Variants in DMD observed in about 807,000 individuals in gnomAD.
DMD encodes the protein mutant dystrophin.
In DMD, 63 loss-of-function variants were observed where a neutral mutation model predicts 330.1. The observed-to-expected ratio is 0.19, with a 90% confidence interval of 0.16 to 0.24. The LOEUF is 0.24. DMD is among the 10% of genes least tolerant of loss of function. The pLI is 1.00. For missense variants in DMD, 3,344 were observed against 2,684.1 expected, an observed-to-expected ratio of 1.25 and a Z score of -5.43; for synonymous variants, 1,223 against 959.8, an observed-to-expected ratio of 1.27 and a Z score of -5.07.
intron 1 of DMD, among the ~76,000 whole-genome samples, chrX:33,198,204 T>C (rs754559275): frequency 9.0e-6 from 1 of 111,629 alleles, no homozygotes; most frequent in South Asian, 3.7e-4. Context: ...TTTATGCATT[T>C]CTTTACCATC....
rs181809079 is a variant in DMD, at chrX:32,659,263, A to G, written c.961-14111T>C. On this transcript the variant is annotated intron_variant, in intron 9 of 78. Coordinates refer to ENST00000357033, the MANE Select transcript of DMD (RefSeq NM_004006.3). ...TGGTTTATCCCGTTACCTTTCACAT[A>G]TATCACTAAATTCTGTGTGCTTTCT... Among the ~76,000 whole-genome samples, 13 of 111,877 alleles carry G rather than the reference A, an allele frequency of 1.2e-4. No individual in the cohort carries two copies. In the South Asian group the frequency reaches 4.4e-3, roughly 38 times the overall value.
At chrX:32,170,302 T>C (rs1256313864) in intron 44 of DMD, among the ~76,000 whole-genome samples, 1 of 108,801 alleles carries the variant, frequency 9.2e-6, no homozygotes, top group Non-Finnish European at 1.9e-5. Flanking sequence ...GAAACCCCGT[T>C]TCTACCAAAA....
intron 44 of DMD, among the ~76,000 whole-genome samples, chrX:32,213,470 GTGTGTGTGCACGCTCA>G (rs756125248): frequency 6.9e-4 from 77 of 112,064 alleles, no homozygotes; most frequent in Admixed American, 2.4e-3. Context: ...ATGTATTCAT[GTGTGTGTGCACGCTCA>G]TGTGTGTGCA....
chrX:31,947,355 C>T (rs1475460043), intron 45 of DMD, among the ~76,000 whole-genome samples: 2 of 112,046 alleles, frequency 1.8e-5, no homozygotes, highest in African/African-American at 6.5e-5. Flanking sequence ...GAACTCCTGG[C>T]CTCAAGCAAT....
At chrX:33,032,209 T>C (rs2094128130) in intron 1 of DMD, among the ~76,000 whole-genome samples, 1 of 111,934 alleles carries the variant, frequency 8.9e-6, no homozygotes, top group Non-Finnish European at 1.9e-5. Flanking sequence ...AATCATAAAG[T>C]GTTTTCACTT....
chrX:31,690,551 T>A (rs1230108731), intron 52 of DMD, among the ~76,000 whole-genome samples: 1 of 112,027 alleles, frequency 8.9e-6, no homozygotes, highest in Non-Finnish European at 1.9e-5. Flanking sequence ...ATTGTGGAAG[T>A]CAGTGTGGCG....
At chrX:31,939,808 G>A (rs2094969896) in intron 45 of DMD, among the ~76,000 whole-genome samples, 1 of 111,677 alleles carries the variant, frequency 9.0e-6, no homozygotes, top group African/African-American at 3.3e-5. Flanking sequence ...GTACACAGGA[G>A]GAGTACTCAA....
At chrX:32,009,200 G>C (rs1293892) in intron 44 of DMD, among the ~76,000 whole-genome samples, 64,383 of 110,288 alleles carry the variant, frequency 0.58, 15,681 homozygotes, top group Non-Finnish European at 0.75. Flanking sequence ...CACAGGAAGA[G>C]GTCAAAAGTG....
chrX:33,077,613 A>G (rs2094864827), intron 1 of DMD, among the ~76,000 whole-genome samples: 1 of 111,696 alleles, frequency 9.0e-6, no homozygotes, highest in African/African-American at 3.3e-5. Flanking sequence ...TTGGGCTTCC[A>G]AGGCTTGCGT....
intron 9 of DMD, among the ~76,000 whole-genome samples, chrX:32,668,635 G>A (rs915255225): frequency 9.0e-6 from 1 of 111,351 alleles, no homozygotes; most frequent in Admixed American, 9.6e-5. Context: ...ACAAAATGCC[G>A]CCTGATACTT....
intron 2 of DMD, among the ~76,000 whole-genome samples, chrX:32,984,088 G>A (rs2092781681): frequency 9.0e-6 from 1 of 111,155 alleles, no homozygotes; most frequent in East Asian, 2.8e-4. Flanking sequence ...TATTAAAAAT[G>A]GTGGTTCTCA....
At chrX:32,447,806 G>C (rs751232290) in intron 27 of DMD, among the ~76,000 whole-genome samples, 2 of 111,653 alleles carry the variant, frequency 1.8e-5, no homozygotes, top group Non-Finnish European at 3.8e-5. Flanking sequence ...TATTTTTGAT[G>C]CAATTACATG....
At chrX:31,416,228 T>C (rs751083831) in intron 60 of DMD, among the ~76,000 whole-genome samples, 1 of 112,181 alleles carries the variant, frequency 8.9e-6, no homozygotes, top group Non-Finnish European at 1.9e-5. Flanking sequence ...CTGCTACTAC[T>C]ATATATCTCT....
intron 59 of DMD, among the ~76,000 whole-genome samples, chrX:31,459,576 G>A (rs916258365): frequency 6.3e-5 from 7 of 111,547 alleles, no homozygotes; most frequent in East Asian, 2.8e-4. Flanking sequence ...GCATAATCCC[G>A]GAAAACCAAA....
intron 4 of DMD, among the ~76,000 whole-genome samples, chrX:32,831,678 G>GAGA (rs1264239359): frequency 1.9e-5 from 2 of 103,232 alleles, no homozygotes; most frequent in Admixed American, 2.2e-4. Context: ...GTGTGTGTGT[G>GAGA]TGTGTGTGTG....
At chrX:32,557,383 A>C (rs1051711432) in intron 16 of DMD, among the ~76,000 whole-genome samples, 4 of 112,045 alleles carry the variant, frequency 3.6e-5, no homozygotes, top group African/African-American at 1.3e-4. Context: ...TATAGGAAGA[A>C]TTACTCAATG....
intron 50 of DMD, among the ~76,000 whole-genome samples, chrX:31,802,375 A>C (rs1475502420): frequency 9.0e-6 from 1 of 111,515 alleles, no homozygotes; most frequent in Non-Finnish European, 1.9e-5. Context: ...AGGTGGGACT[A>C]TTAGTCACTC....
chrX:31,473,812 T>TA (rs2067523501), intron 59 of DMD, among the ~76,000 whole-genome samples: 1 of 111,440 alleles, frequency 9.0e-6, no homozygotes, highest in African/African-American at 3.3e-5. Flanking sequence ...GTTTAAAAGT[T>TA]ATTCTACTTT....
At chrX:31,950,622 C>A (rs1361681011) in intron 45 of DMD, among the ~76,000 whole-genome samples, 1 of 110,695 alleles carries the variant, frequency 9.0e-6, no homozygotes, top group African/African-American at 3.3e-5. Context: ...TTGTCTAGTT[C>A]TCCTTTGAAT....
Sources: allele counts gnomAD v4.1 joint callset (sites outside exome capture counted in the v4.1 genomes callset), GRCh38; gene constraint gnomAD v4.1.1; transcripts MANE v1.5; gene names NCBI Gene and HGNC (gene_info 2026-07-23, HGNC 2026-07-21).